EMC3: variants seen among roughly 807,000 people sequenced by gnomAD.
EMC3 encodes the protein ER membrane protein complex subunit 3, also known as 30 kDa protein.
Under a neutral mutation model 36.6 loss-of-function variants are expected in EMC3, and 13 were observed. The ratio of observed to expected loss-of-function variants is 0.35; its 90% CI spans 0.23 to 0.56. The LOEUF (loss-of-function observed/expected upper bound fraction) is 0.56. EMC3 is among the 20% of genes least tolerant of loss of function. The pLI, the probability that EMC3 is intolerant of heterozygous loss-of-function variation, is 0.84. For missense variants in EMC3, 220 were observed against 324.5 expected (o/e 0.68, Z 2.47); for synonymous variants, 120 against 111.9 (o/e 1.07, Z -0.46).
Position 9,977,051 on chromosome 3 carries a change from C to G in EMC3, c.214-1G>C, listed in dbSNP as rs775124496. 1 of 1,537,182 alleles carries G rather than the reference C, an allele frequency of 6.5e-7. No individual in the cohort carries two copies. The highest frequency in any genetic ancestry group is 8.8e-7 in the Non-Finnish European group (1 of 1,134,072). On this transcript the variant is annotated splice_acceptor_variant, in intron 2 of 7. Transcript: ENST00000245046. LOFTEE classifies it high-confidence loss of function. ...AATAATATTTTCGTGTCAAGAAAGA[C>G]TAGTAAAAAAAAAAAAAAGTGTTTT...
intron 1 of EMC3, chr3:10,007,750 G>GA: frequency 1.0e-6 from 1 of 971,360 alleles, no homozygotes; most frequent in Non-Finnish European, 1.4e-6. Context: ...ACCCATCAAG[G>GA]AGCTTCCTTG....
At chr3:10,011,047 G>A (rs2086318070) in exon 1 of EMC3, 2 of 152,478 alleles carry the variant, frequency 1.3e-5, no homozygotes, top group African/African-American at 4.8e-5. Context: ...GGCGCTGAGT[G>A]GGCCGGAAGC....
chr3:9,982,418 T>C (rs1024603402), intron 1 of EMC3, among the ~76,000 whole-genome samples: 4 of 151,764 alleles, frequency 2.6e-5, no homozygotes, highest in Admixed American at 1.3e-4. Context: ...CATGCTCGGG[T>C]TATTTTTTGT....
At position 9,985,980 on chromosome 3, in the gene EMC3, A is replaced by G. The variant is rs368668153; in HGVS notation, c.155+527T>C. Among the ~76,000 whole-genome samples the G allele has an allele frequency of 7.2e-5, 11 of 152,352 alleles. 1 individual carries two copies. In the East Asian group the frequency reaches 9.6e-4, roughly 13 times the overall value. On this transcript the variant is annotated intron_variant, in intron 1 of 7. Transcript: ENST00000245046. The stretch of plus-strand genomic sequence containing the variant: ...GCCTCCACTCTAGTGGGGGGAAATA[A>G]TTACAATTCCTTACATCTCTAATGG...
intron 4 of EMC3, 93 bp downstream of exon 4, chr3:9,974,291 T>A: frequency 1.2e-6 from 1 of 864,950 alleles, no homozygotes. Flanking sequence ...TATTATCAGT[T>A]TACAAAAGAA....
chr3:10,008,202 A>C (rs2086285333), intron 1 of EMC3: 22 of 364,348 alleles, frequency 6.0e-5, no homozygotes, highest in South Asian at 4.7e-4. Context: ...GAGAGGGCAC[A>C]TTCCCCAGGC....
chr3:9,979,122 T>C (rs2085882594), intron 1 of EMC3, among the ~76,000 whole-genome samples: 2 of 152,212 alleles, frequency 1.3e-5, no homozygotes, highest in Admixed American at 6.5e-5. Context: ...CATTATGCTA[T>C]ACAGTTCTCT....
chr3:10,002,837 G>A (rs1300793928), intron 1 of EMC3: 1 of 456,460 alleles, frequency 2.2e-6, no homozygotes, highest in South Asian at 1.5e-5. Context: ...ACCAGCAACA[G>A]TAGTGCAGAC....
intron 7 of EMC3, among the ~76,000 whole-genome samples, chr3:9,965,390 C>A (rs1444065513): frequency 6.6e-6 from 1 of 151,306 alleles, no homozygotes; most frequent in Non-Finnish European, 1.5e-5. Flanking sequence ...CACTGCACTC[C>A]AGCCTGGGTG....
chr3:9,974,784 T>C (rs894278888), intron 3 of EMC3, among the ~76,000 whole-genome samples: 3 of 150,968 alleles, frequency 2.0e-5, no homozygotes, highest in Non-Finnish European at 4.4e-5. Flanking sequence ...GGTCTTGATC[T>C]CCTGAACTCG....
intron 1 of EMC3, chr3:10,007,677 C>T: frequency 7.5e-7 from 1 of 1,330,326 alleles, no homozygotes; most frequent in Non-Finnish European, 1.0e-6. Flanking sequence ...TAGGTTCCAG[C>T]TTCCCAGGAA....
Position 9,964,010 on chromosome 3 carries a change from A to C in EMC3, c.*59T>G. Reference sequence around the variant, plus strand: ...ATTTCAAGAGGTGCCAGCTCCAAACAAAGTTACAAGGTTAAGTGCAACTCC... The same window carrying C: ...ATTTCAAGAGGTGCCAGCTCCAAACCAAGTTACAAGGTTAAGTGCAACTCC... On this transcript the variant is annotated 3_prime_UTR_variant, in exon 8 of 8. Coordinates refer to ENST00000245046, the MANE Select transcript of EMC3 (RefSeq NM_001394674.1). The C allele has an allele frequency of 1.3e-6, 2 of 1,594,016 alleles. No individual in the cohort carries two copies. The highest frequency in any genetic ancestry group is 1.7e-6 in the Non-Finnish European group (2 of 1,169,466).
intron 2 of EMC3, 33 bp downstream of exon 2, chr3:9,977,356 C>T (rs1015506122): frequency 8.2e-6 from 13 of 1,589,464 alleles, no homozygotes; most frequent in South Asian, 2.3e-5. Context: ...AACAGTGAAT[C>T]GTGGAGCTTT....
intron 3 of EMC3, among the ~76,000 whole-genome samples, chr3:9,976,123 C>T (rs535874228): frequency 1.1e-4 from 16 of 152,016 alleles, no homozygotes; most frequent in African/African-American, 1.9e-4. Flanking sequence ...TTTTATTTTT[C>T]GGAGATGGAG....
At chr3:10,002,637 G>A in intron 1 of EMC3, 8 of 375,132 alleles carry the variant, frequency 2.1e-5, no homozygotes, top group South Asian at 1.6e-4. Context: ...CCTCCACCCA[G>A]AGCAACAGCA....
intron 1 of EMC3, chr3:10,005,298 C>A (rs1483919940): frequency 1.3e-5 from 2 of 151,706 alleles, no homozygotes. Context: ...ACATCCTATT[C>A]AAAGAATGAG....
At chr3:9,969,498 T>G in intron 7 of EMC3, 1 of 1,428,220 alleles carries the variant, frequency 7.0e-7, no homozygotes, top group Non-Finnish European at 9.1e-7. Flanking sequence ...TGGATTAAAT[T>G]CCAGTGAGCA....
chr3:9,963,273 G>C lies in EMC3; in HGVS notation c.*796C>G, dbSNP rs1273379810. The C allele has an allele frequency of 6.6e-6, 1 of 151,986 alleles. No homozygotes were observed. The highest frequency in any genetic ancestry group is 2.4e-5 in the African/African-American group (1 of 41,368). The allele number at this position is 151,986 out of a possible 1,614,324, so 9.4% of individuals were successfully genotyped here. Reference sequence around the variant, plus strand: ...ATCCATAGTTTCTAAACCTTTGGTAGTGGAAATGGTTTACTTGTGTAAAGA... The same window carrying C: ...ATCCATAGTTTCTAAACCTTTGGTACTGGAAATGGTTTACTTGTGTAAAGA... On this transcript the variant is annotated 3_prime_UTR_variant, in exon 8 of 8. Coordinates refer to ENST00000245046, the MANE Select transcript of EMC3 (RefSeq NM_001394674.1).
At chr3:9,983,787 T>C (rs553713323) in intron 1 of EMC3, among the ~76,000 whole-genome samples, 8 of 152,152 alleles carry the variant, frequency 5.3e-5, no homozygotes, top group Non-Finnish European at 7.4e-5. Context: ...TAGTGAACCA[T>C]GGGCAGAAAA....
Sources: gnomAD v4.1 joint callset for allele counts (sites outside exome capture counted in the v4.1 genomes callset) on GRCh38, gnomAD v4.1.1 for gene constraint, MANE v1.5 for transcripts, NCBI Gene and HGNC (gene_info 2026-07-23, HGNC 2026-07-21) for gene names.